The following PPP3CA variants were observed in gnomAD, a reference collection of about 807,000 sequenced individuals.
PPP3CA encodes CAM-PRP catalytic subunit.
PPP3CA carries 14 observed loss-of-function variants against 66.5 expected under a neutral mutation model. That is an observed-to-expected ratio of 0.21 (90% CI 0.14 to 0.33). The LOEUF (loss-of-function observed/expected upper bound fraction) is 0.33, where lower values mean the gene tolerates loss of function less well. Among genes scored for constraint, PPP3CA ranks in the 10% least tolerant of loss-of-function variants. The probability of loss-of-function intolerance (pLI) is 1.00; values close to 1 mark genes in which losing one functional copy is unlikely to be tolerated. For missense variants in PPP3CA, 317 were observed against 639.5 expected (o/e 0.50, Z 5.44); for synonymous variants, 232 against 226.2 (o/e 1.03, Z -0.23).
At chr4:101,228,692 C>T (rs1311363629) in intron 1 of PPP3CA, among the ~76,000 whole-genome samples, 1 of 151,546 alleles carries the variant, frequency 6.6e-6, no homozygotes, top group Non-Finnish European at 1.5e-5. Context: ...AAACAGCCAA[C>T]TATCAAAGAT....
intron 2 of PPP3CA, among the ~76,000 whole-genome samples, chr4:101,164,753 G>A (rs1723636923): frequency 6.6e-6 from 1 of 151,904 alleles, no homozygotes; most frequent in Non-Finnish European, 1.5e-5. Context: ...AGGATCAGAT[G>A]AAAATATAAT....
At chr4:101,224,927 C>A (rs1389920607) in intron 1 of PPP3CA, among the ~76,000 whole-genome samples, 1 of 151,670 alleles carries the variant, frequency 6.6e-6, no homozygotes. Context: ...GCCTCTTTTG[C>A]CCTCTTCTGC....
chr4:101,154,139 T>C (rs1430124658), intron 2 of PPP3CA, among the ~76,000 whole-genome samples: 2 of 152,202 alleles, frequency 1.3e-5, no homozygotes, highest in Admixed American at 1.3e-4. Context: ...GCCTGCCTTC[T>C]TGTTTTCAAG....
chr4:101,337,055 T>A (rs1288369798), intron 1 of PPP3CA, among the ~76,000 whole-genome samples: 4 of 152,220 alleles, frequency 2.6e-5, no homozygotes, highest in African/African-American at 9.6e-5. Context: ...AGCTTCAAAA[T>A]GCCATAATTT....
intron 1 of PPP3CA, among the ~76,000 whole-genome samples, chr4:101,292,107 C>G (rs968107736): frequency 6.6e-6 from 1 of 151,338 alleles, no homozygotes; most frequent in African/African-American, 2.4e-5. Flanking sequence ...CACACACACA[C>G]ACACACACAC....
intron 2 of PPP3CA, among the ~76,000 whole-genome samples, chr4:101,184,071 T>C (rs1560646046): frequency 6.6e-6 from 1 of 152,176 alleles, no homozygotes; most frequent in Non-Finnish European, 1.5e-5. Context: ...CTTCCACTGG[T>C]CTGTAATTTT....
chr4:101,075,473 C>G (rs1361701785), intron 8 of PPP3CA, among the ~76,000 whole-genome samples: 1 of 152,128 alleles, frequency 6.6e-6, no homozygotes, highest in African/African-American at 2.4e-5. Context: ...ACATATGTAT[C>G]TAACTACTCA....
chr4:101,039,741 CA>C (rs1324823706), intron 11 of PPP3CA, among the ~76,000 whole-genome samples: 1 of 143,732 alleles, frequency 7.0e-6, no homozygotes, highest in Non-Finnish European at 1.6e-5. Flanking sequence ...AAAAATTTGG[CA>C]AAAAATTTGA....
intron 4 of PPP3CA, 31 bp from the exon 5 acceptor site, chr4:101,098,543 A>G: frequency 6.4e-7 from 1 of 1,552,858 alleles, no homozygotes; most frequent in South Asian, 1.3e-5. Flanking sequence ...AATACTTATG[A>G]TTTATAGGCA....
intron 1 of PPP3CA, among the ~76,000 whole-genome samples, chr4:101,296,506 T>C (rs1160747834): frequency 6.6e-6 from 1 of 152,176 alleles, no homozygotes; most frequent in African/African-American, 2.4e-5. Flanking sequence ...CATATTTTGA[T>C]AAACCAGTTC....
In PPP3CA at chr4:101,156,647, G is replaced by A. The variant is rs552338520; in HGVS notation, c.259+39269C>T. Among the ~76,000 whole-genome samples the A allele has an allele frequency of 1.5e-3, 234 of 151,730 alleles. 1 individual carries two copies. The highest frequency in any genetic ancestry group is 5.4e-3 in the African/African-American group (223 of 41,244). Reference sequence around the variant, plus strand: ...ATCGTGCCATTGCACTCCAGCCTGGGCAACAAGAGCGAAACTGTGTCTCAA... The same window carrying A: ...ATCGTGCCATTGCACTCCAGCCTGGACAACAAGAGCGAAACTGTGTCTCAA... On this transcript the variant is annotated intron_variant, in intron 2 of 13. Transcript: ENST00000394854.
intron 1 of PPP3CA, among the ~76,000 whole-genome samples, chr4:101,285,992 C>T (rs992256863): frequency 4.6e-5 from 7 of 152,082 alleles, no homozygotes; most frequent in South Asian, 2.1e-4. Context: ...TGCCAGGGAC[C>T]GTTTTCGTGT....
chr4:101,210,688 T>C (rs559294930), intron 1 of PPP3CA, among the ~76,000 whole-genome samples: 1 of 152,280 alleles, frequency 6.6e-6, no homozygotes, highest in South Asian at 2.1e-4. Flanking sequence ...ACTAAATACT[T>C]CATAAAAATA....
intron 1 of PPP3CA, among the ~76,000 whole-genome samples, chr4:101,230,007 A>G (rs1725909554): frequency 6.6e-6 from 1 of 151,712 alleles, no homozygotes; most frequent in Admixed American, 6.6e-5. Flanking sequence ...ATACATAAAG[A>G]GAGGTGGCTA....
At chr4:101,044,167 GAATT>G in intron 10 of PPP3CA, among the ~76,000 whole-genome samples, 1 of 152,130 alleles carries the variant, frequency 6.6e-6, no homozygotes, top group East Asian at 1.9e-4. Context: ...CAGCAGGAGA[GAATT>G]AAGTTCAGAT....
chr4:101,280,353 T>C (rs1578624488), intron 1 of PPP3CA, among the ~76,000 whole-genome samples: 2 of 152,244 alleles, frequency 1.3e-5, no homozygotes, highest in Admixed American at 1.3e-4. Context: ...TGTGAATCTG[T>C]TTTCTTTTTT....
chr4:101,053,792 G>A (rs890980808), intron 10 of PPP3CA, among the ~76,000 whole-genome samples: 4 of 151,972 alleles, frequency 2.6e-5, no homozygotes, highest in Non-Finnish European at 2.9e-5. Context: ...CTCTGTCTAA[G>A]ACCTGTTGAT....
chr4:101,346,988 G>A lies in PPP3CA; in HGVS notation c.-192C>T. ...TTCCGCGCGTCCCTCCTCCGCCGCCGCCGCCTTCACTCCTCCTCCGCCGCT... is the reference window on the plus strand; with the variant it reads ...TTCCGCGCGTCCCTCCTCCGCCGCCACCGCCTTCACTCCTCCTCCGCCGCT... On this transcript the variant is annotated 5_prime_UTR_variant, in exon 1 of 14. Transcript: ENST00000394854. The A allele has an allele frequency of 1.6e-6, 1 of 637,284 alleles. No individual in the cohort carries two copies. Among genetic ancestry groups the A allele is most frequent in the Non-Finnish European group, 2.7e-6 (1 of 371,300 alleles). 39.5% of individuals were successfully genotyped at this position (637,284 alleles called of 1,614,324 possible).
chr4:101,136,968 G>A (rs1284798743), intron 2 of PPP3CA, among the ~76,000 whole-genome samples: 2 of 152,072 alleles, frequency 1.3e-5, no homozygotes, highest in South Asian at 2.1e-4. Flanking sequence ...GTGCATGAGC[G>A]GGCAATGACA....
Sources: allele counts gnomAD v4.1 joint callset (sites outside exome capture counted in the v4.1 genomes callset), GRCh38; gene constraint gnomAD v4.1.1; transcripts MANE v1.5; gene names NCBI Gene and HGNC (gene_info 2026-07-23, HGNC 2026-07-21).